SPPL3: variants seen among roughly 807,000 people sequenced by gnomAD.
SPPL3 encodes the protein signal peptide peptidase like 3, also known as signal peptide peptidase-like 3.
SPPL3 carries 5 observed loss-of-function variants against 42.4 expected under a neutral mutation model. The observed-to-expected ratio is 0.12, with a 90% CI of 0.06 to 0.25. The LOEUF (loss-of-function observed/expected upper bound fraction) is 0.25. SPPL3 is among the 10% of genes least tolerant of loss of function. The pLI is 1.00. For synonymous variants in SPPL3, 195 were observed against 181.8 expected (o/e 1.07, Z -0.58); for missense variants, 235 against 489.0 (o/e 0.48, Z 4.90).
At chr12:120,811,907 G>A (rs1163784786) in intron 1 of SPPL3, among the ~76,000 whole-genome samples, 1 of 152,132 alleles carries the variant, frequency 6.6e-6, no homozygotes, top group Non-Finnish European at 1.5e-5. Context: ...AAGAGAGAAA[G>A]AGAAGTATAG....
chr12:120,796,390 T>G (rs1306796667), intron 2 of SPPL3, among the ~76,000 whole-genome samples: 1 of 152,052 alleles, frequency 6.6e-6, no homozygotes, highest in African/African-American at 2.4e-5. Flanking sequence ...AAAATAAAAA[T>G]AATCTCCATG....
At chr12:120,782,628 A>G in intron 6 of SPPL3, 27 bp downstream of exon 6, 1 of 1,496,946 alleles carries the variant, frequency 6.7e-7, no homozygotes, top group Non-Finnish European at 9.2e-7. Flanking sequence ...AAGTAAAATT[A>G]CAATTTGTCA....
At chr12:120,792,704 AAAAAAAAAAAAAAAAGTT>A (rs1869962501) in intron 2 of SPPL3, among the ~76,000 whole-genome samples, 3 of 148,350 alleles carry the variant, frequency 2.0e-5, no homozygotes, top group Non-Finnish European at 4.6e-5. Flanking sequence ...CTCAAAAAAA[AAAAAAAAAAAAAAAAGTT>A]GTTTTTTTGC....
chr12:120,771,418 G>C (rs631743), intron 6 of SPPL3, among the ~76,000 whole-genome samples: 2,070 of 152,272 alleles, frequency 0.014, 46 homozygotes, highest in African/African-American at 0.047. Flanking sequence ...AACTGGCTCC[G>C]CTCCTCGTCT....
intron 2 of SPPL3, among the ~76,000 whole-genome samples, chr12:120,808,252 A>C (rs995295664): frequency 2.0e-5 from 3 of 151,762 alleles, no homozygotes; most frequent in Admixed American, 1.3e-4. Flanking sequence ...TAATTTTTGC[A>C]TATTTGGTAG....
At chr12:120,895,032 C>G (rs1050256014) in intron 1 of SPPL3, among the ~76,000 whole-genome samples, 1 of 152,140 alleles carries the variant, frequency 6.6e-6, no homozygotes, top group Non-Finnish European at 1.5e-5. Flanking sequence ...ACCATGCATT[C>G]CAAGGAAAAG....
At chr12:120,833,932 G>A (rs1871523800) in intron 1 of SPPL3, among the ~76,000 whole-genome samples, 2 of 152,050 alleles carry the variant, frequency 1.3e-5, no homozygotes, top group Admixed American at 6.6e-5. Flanking sequence ...ACATACACAT[G>A]AAGCTGACTG....
rs184332245 is a variant in SPPL3 at position 120,895,207 on chromosome 12, C to T, written c.23+8638G>A. Among the ~76,000 whole-genome samples, 241 of 152,238 alleles carry T rather than the reference C, an allele frequency of 1.6e-3. 1 individual carries two copies. Among genetic ancestry groups the T allele is most frequent in the African/African-American group, 4.9e-3 (204 of 41,546 alleles). On this transcript the variant is annotated intron_variant, in intron 1 of 10. Coordinates refer to ENST00000353487, the MANE Select transcript of SPPL3 (RefSeq NM_139015.5). ...CTTTGGGAGGCAGAGGTGGGTGGATCACCTGAGATCAGGAGTTGGAGATCA... is the reference window on the plus strand; with the variant it reads ...CTTTGGGAGGCAGAGGTGGGTGGATTACCTGAGATCAGGAGTTGGAGATCA...
intron 1 of SPPL3, among the ~76,000 whole-genome samples, chr12:120,839,503 TATA>T (rs1282341108): frequency 1.3e-5 from 2 of 152,052 alleles, no homozygotes; most frequent in African/African-American, 2.4e-5. Flanking sequence ...AAACTTAAAG[TATA>T]ATAATAAACA....
chr12:120,885,849 CTTTT>C (rs142907503), intron 1 of SPPL3, among the ~76,000 whole-genome samples: 5,214 of 121,600 alleles, frequency 0.043, 217 homozygotes, highest in East Asian at 0.14. Flanking sequence ...AACATTAAAA[CTTTT>C]TTTTTTTTTT....
intron 2 of SPPL3, among the ~76,000 whole-genome samples, chr12:120,808,529 A>ATATG (rs1331872722): frequency 6.6e-6 from 1 of 152,256 alleles, no homozygotes; most frequent in Non-Finnish European, 1.5e-5. Context: ...ATATGTAGTA[A>ATATG]GAGCCATTTC....
intron 1 of SPPL3, among the ~76,000 whole-genome samples, chr12:120,880,235 G>T (rs1003902026): frequency 2.6e-5 from 4 of 151,680 alleles, no homozygotes; most frequent in African/African-American, 9.7e-5. Flanking sequence ...TTACACAAAA[G>T]AATGAAGTTG....
intron 6 of SPPL3, among the ~76,000 whole-genome samples, chr12:120,772,732 C>T (rs1305648241): frequency 1.3e-5 from 2 of 152,152 alleles, no homozygotes; most frequent in Admixed American, 6.5e-5. Context: ...ACTGTGTGCA[C>T]GGTGCTAATA....
At chr12:120,851,201 T>C (rs911110104) in intron 1 of SPPL3, among the ~76,000 whole-genome samples, 8 of 152,178 alleles carry the variant, frequency 5.3e-5, no homozygotes, top group Non-Finnish European at 1.2e-4. Context: ...CACAGTGATA[T>C]AGTCAAAAAA....
chr12:120,802,499 ATCTCGGCTCACTGCAAC>A (rs1870348829), intron 2 of SPPL3, among the ~76,000 whole-genome samples: 1 of 148,558 alleles, frequency 6.7e-6, no homozygotes, highest in Non-Finnish European at 1.5e-5. Flanking sequence ...CAGTGGCGCA[ATCTCGGCTCACTGCAAC>A]CTCTGCCTCC....
intron 1 of SPPL3, among the ~76,000 whole-genome samples, chr12:120,835,095 CT>C (rs1871565436): frequency 2.0e-5 from 3 of 152,160 alleles, no homozygotes; most frequent in African/African-American, 7.2e-5. Context: ...CTTATTTGTC[CT>C]GTTAGACCAC....
intron 1 of SPPL3, among the ~76,000 whole-genome samples, chr12:120,821,193 T>C (rs1404241046): frequency 6.6e-6 from 1 of 152,180 alleles, no homozygotes; most frequent in Non-Finnish European, 1.5e-5. Flanking sequence ...AAGGATTTAT[T>C]GCCGGGGGCG....
chr12:120,815,507 C>A (rs1355392511), intron 1 of SPPL3, among the ~76,000 whole-genome samples: 1 of 152,126 alleles, frequency 6.6e-6, no homozygotes, highest in Non-Finnish European at 1.5e-5. Context: ...AGGAACTTTT[C>A]TTCTGATGGT....
chr12:120,877,251 A>G (rs770826689), intron 1 of SPPL3, among the ~76,000 whole-genome samples: 2 of 152,062 alleles, frequency 1.3e-5, no homozygotes, highest in Non-Finnish European at 2.9e-5. Flanking sequence ...CACAAAGAAA[A>G]CTCCAAGTCC....
Sources: gnomAD v4.1 joint callset for allele counts (sites outside exome capture counted in the v4.1 genomes callset) on GRCh38, gnomAD v4.1.1 for gene constraint, MANE v1.5 for transcripts, NCBI Gene and HGNC (gene_info 2026-07-23, HGNC 2026-07-21) for gene names.